RBL2: variants seen among roughly 807,000 people sequenced by gnomAD.
RBL2 encodes the protein retinoblastoma-like protein 2.
In RBL2, 56 loss-of-function variants were observed where a neutral mutation model predicts 126.0. The ratio of observed to expected loss-of-function variants is 0.44; its 90% CI spans 0.36 to 0.56. The LOEUF is 0.56. Among genes scored for constraint, RBL2 ranks in the 20% least tolerant of loss-of-function variants. The probability of loss-of-function intolerance (pLI) is 0.00; values close to 1 mark genes in which losing one functional copy is unlikely to be tolerated. For missense variants in RBL2, 1,229 were observed against 1,398.2 expected (o/e 0.88, Z 1.93); for synonymous variants, 454 against 478.5 (o/e 0.95, Z 0.67).
Position 53,453,736 on chromosome 16 carries a change from G to T in RBL2, c.959G>T (p.Gly320Val). The change falls in exon 7 of 22, where the codon GGG (glycine) becomes GTG (valine). Residue 320 changes from glycine to valine, a missense_variant. Transcript: ENST00000262133. Reference sequence around the variant, plus strand: ...AAGGGAAAAGAAGAAAATCTCACTGGGTTTCTAGAACCTGGGAACTTTGGA... The same window carrying T: ...AAGGGAAAAGAAGAAAATCTCACTGTGTTTCTAGAACCTGGGAACTTTGGA... ...LLKGKEENLT[G>V]FLEPGNFGES... 6.2e-7 allele frequency: 1 copy of T among 1,611,098 alleles called. No individual in the cohort carries two copies. The highest frequency in any genetic ancestry group is 8.5e-7 in the Non-Finnish European group (1 of 1,178,896).
At chr16:53,434,825 G>C (rs1441510773) in intron 1 of RBL2, 29 bp downstream of exon 1, 2 of 1,474,602 alleles carry the variant, frequency 1.4e-6, no homozygotes, top group East Asian at 5.4e-5. Context: ...GGGCGCTTCC[G>C]GCCTAGTTGG....
At chr16:53,460,698 A>G (rs546204511) in intron 9 of RBL2, among the ~76,000 whole-genome samples, 9 of 152,178 alleles carry the variant, frequency 5.9e-5, no homozygotes, top group African/African-American at 1.4e-4. Context: ...GTTGAAAGGT[A>G]TGTGTGTGTG....
At chr16:53,466,965 G>T in intron 13 of RBL2, 93 bp from the exon 14 acceptor site, 1 of 825,810 alleles carries the variant, frequency 1.2e-6, no homozygotes, top group Non-Finnish European at 1.9e-6. Flanking sequence ...TGGAATAATT[G>T]TTAAGATACT....
chr16:53,445,382 T>G (rs1365291422), intron 3 of RBL2, among the ~76,000 whole-genome samples: 1 of 151,932 alleles, frequency 6.6e-6, no homozygotes, highest in African/African-American at 2.4e-5. Context: ...TTTTAATCAC[T>G]TTGTATACTT....
intron 4 of RBL2, among the ~76,000 whole-genome samples, chr16:53,451,498 T>G (rs930525978): frequency 6.6e-6 from 1 of 152,150 alleles, no homozygotes; most frequent in Non-Finnish European, 1.5e-5. Flanking sequence ...CCACCAAGAC[T>G]CTGTCTCTTA....
chr16:53,442,089 G>A (rs867903597), intron 2 of RBL2, among the ~76,000 whole-genome samples: 1 of 152,030 alleles, frequency 6.6e-6, no homozygotes, highest in Admixed American at 6.6e-5. Context: ...CAAAGTGCTG[G>A]GATTACAGGT....
intron 8 of RBL2, 45 bp downstream of exon 8, chr16:53,454,887 A>T (rs193099623): frequency 2.7e-5 from 39 of 1,457,410 alleles, no homozygotes; most frequent in Non-Finnish European, 3.3e-5. Flanking sequence ...GGAGCAGGTA[A>T]GCCAGGGGTT....
At chr16:53,462,372 G>A (rs1385192258) in intron 10 of RBL2, among the ~76,000 whole-genome samples, 180 bp from the exon 11 acceptor site, 2 of 152,132 alleles carry the variant, frequency 1.3e-5, no homozygotes, top group African/African-American at 2.4e-5. Context: ...AAATGTGACT[G>A]TTACCATGAA....
At chr16:53,435,673 T>C (rs1404119100) in intron 1 of RBL2, 1 of 1,288,936 alleles carries the variant, frequency 7.8e-7, no homozygotes, top group Non-Finnish European at 1.0e-6. Context: ...CCATTTGATT[T>C]CTCAAGTCGT....
At chr16:53,448,287 G>T (rs1430043931) in intron 4 of RBL2, among the ~76,000 whole-genome samples, 1 of 151,644 alleles carries the variant, frequency 6.6e-6, no homozygotes, top group Non-Finnish European at 1.5e-5. Context: ...CTCCCGAGTA[G>T]CTGGGATTAC....
rs1960960014 is a variant in RBL2, at chr16:53,481,778, A to C, written c.3192A>C (p.Glu1064Asp). The C allele has an allele frequency of 6.3e-7, 1 of 1,594,642 alleles. No homozygotes were observed. The highest frequency in any genetic ancestry group is 1.3e-5 in the African/African-American group (1 of 74,430). ...TCTACATTTCCCCACATAAAAATGA[A>C]ACAATGCTTTCTCCTCGAGAAAAGA... ...HPVYISPHKN[E>D]TMLSPREKIF... Residue 1064 changes from glutamate to aspartate, a missense_variant, in exon 21 of 22, where the codon GAA (glutamate) becomes GAC (aspartate). By Grantham distance (45) the Glu-to-Asp change is conservative. Coordinates refer to ENST00000262133, the MANE Select transcript of RBL2 (RefSeq NM_005611.4).
chr16:53,460,448 A>G (rs1038890369), intron 9 of RBL2, among the ~76,000 whole-genome samples: 1 of 152,138 alleles, frequency 6.6e-6, no homozygotes, highest in African/African-American at 2.4e-5. Flanking sequence ...TGTGATTTAT[A>G]CTCAACAAGT....
intron 2 of RBL2, among the ~76,000 whole-genome samples, chr16:53,439,937 G>C (rs1199732852): frequency 8.1e-6 from 1 of 123,010 alleles, no homozygotes; most frequent in African/African-American, 3.2e-5. Flanking sequence ...CTGGGCCACA[G>C]AGCAAGACCT....
chr16:53,482,971 A>G (rs568514889), intron 21 of RBL2, among the ~76,000 whole-genome samples: 1 of 152,218 alleles, frequency 6.6e-6, no homozygotes. Flanking sequence ...GATCCTGCAT[A>G]GGAAAACGTT....
At chr16:53,479,063 C>G in intron 17 of RBL2, 91 bp from the exon 18 acceptor site, 1 of 964,128 alleles carries the variant, frequency 1.0e-6, no homozygotes. Context: ...ATAATTTTCA[C>G]CCCTTTTACT....
rs2058149935 is a variant in RBL2, at chr16:53,454,738, G to A, written c.1075G>A (p.Glu359Lys). Residue 359 changes from glutamate (E) to lysine (K), a missense_variant, in exon 8 of 22, where the codon GAG (glutamate) becomes AAG (lysine). Physicochemically the swap from Glu to Lys is moderately conservative, Grantham distance 56. This residue lies in a region of RBL2 where 1,070 missense variants were observed against 1,274.3 expected (regional missense o/e 0.84). Transcript: ENST00000262133. ...GCGGATATTTCTTGGAGAGGATGCT[G>A]AGGAGGAAATTGGGACTCTCTCAAG... is the stretch of plus-strand genomic sequence containing the variant. ...DERIFLGEDA[E>K]EEIGTLSRCL... The A allele has an allele frequency of 1.9e-6, 3 of 1,613,954 alleles. No individual in the cohort carries two copies. Among genetic ancestry groups the A allele is most frequent in the Non-Finnish European group, 2.5e-6 (3 of 1,179,926 alleles).
intron 5 of RBL2, 148 bp downstream of exon 5, chr16:53,451,979 C>A: frequency 1.1e-6 from 1 of 871,632 alleles, no homozygotes; most frequent in Non-Finnish European, 1.7e-6. Context: ...AGTCAAGCTG[C>A]CTGTAAAAAT....
Position 53,490,449 on chromosome 16 carries a change from A to T in RBL2, c.*149A>T. On this transcript the variant is annotated 3_prime_UTR_variant, in exon 22 of 22. Transcript: ENST00000262133. ...GACATTTTGGTGAGAAATGGGACTT[A>T]ACTCCTTCCAGTGTCCTTAGAACAT... 1 of 556,132 alleles carries T rather than the reference A, an allele frequency of 1.8e-6. No homozygotes were observed. The highest frequency in any genetic ancestry group is 3.2e-5 in the East Asian group (1 of 31,422). 34.4% of individuals were successfully genotyped at this position (556,132 alleles called of 1,614,324 possible).
Position 53,461,803 on chromosome 16 carries a change from A to G in RBL2, c.1409A>G (p.Tyr470Cys), listed in dbSNP as rs766307827. The change falls in exon 10 of 22, where the codon TAT becomes TGT. Residue 470 changes from tyrosine (Y) to cysteine (C), a missense_variant. Transcript: ENST00000262133. ...ANRLKEMFEI[Y>C]SQHFQPDEDF... is the part of the protein sequence containing the mutation. Reference sequence around the variant, plus strand: ...AGACTGAAAGAAATGTTTGAAATATATTCTCAGCATTTCCAGCCAGACGAG... The same window carrying G: ...AGACTGAAAGAAATGTTTGAAATATGTTCTCAGCATTTCCAGCCAGACGAG... 2 of 1,612,196 alleles carry G rather than the reference A, an allele frequency of 1.2e-6. No homozygotes were observed. The highest frequency in any genetic ancestry group is 1.7e-6 in the Non-Finnish European group (2 of 1,179,182).
Sources: allele counts gnomAD v4.1 joint callset (sites outside exome capture counted in the v4.1 genomes callset), GRCh38; gene constraint gnomAD v4.1.1; regional missense constraint gnomAD v4.1.1; transcripts MANE v1.5; gene names NCBI Gene and HGNC (gene_info 2026-07-23, HGNC 2026-07-21).